The following SRP19 variants were observed in gnomAD, a reference collection of about 807,000 sequenced individuals.
SRP19 encodes signal recognition particle 19.
SRP19 carries 11 observed loss-of-function variants against 22.4 expected under a neutral mutation model. That is an observed-to-expected ratio of 0.49 (90% CI 0.31 to 0.81). The LOEUF is 0.81. Among genes scored for constraint, SRP19 ranks in the 40% least tolerant of loss-of-function variants. The pLI, the probability that SRP19 is intolerant of heterozygous loss-of-function variation, is 0.05. For missense variants in SRP19, 168 were observed against 175.9 expected (o/e 0.96, Z 0.25); for synonymous variants, 61 against 57.6 (o/e 1.06, Z -0.27).
intron 4 of SRP19, among the ~76,000 whole-genome samples, chr5:112,865,472 C>T (rs1240108066): frequency 1.3e-5 from 2 of 152,178 alleles, no homozygotes; most frequent in Non-Finnish European, 2.9e-5. Flanking sequence ...ATTTTCATCT[C>T]TGAAAATTTT....
intron 4 of SRP19, among the ~76,000 whole-genome samples, chr5:112,890,204 G>A (rs1768392990): frequency 6.7e-6 from 1 of 150,244 alleles, no homozygotes; most frequent in Admixed American, 6.6e-5. Flanking sequence ...GTGGGAGGGT[G>A]GCTTGACCTT....
chr5:112,878,010 TGTGTGTGTGTG>T (rs1767950822), intron 4 of SRP19: 1 of 140,314 alleles, frequency 7.1e-6, no homozygotes, highest in Non-Finnish European at 1.6e-5. Flanking sequence ...TGTGTGTGTG[TGTGTGTGTGTG>T]TAAATTTCCC....
rs1160626294 is a variant in SRP19 at position 112,869,349 on chromosome 5, A to C, written c.*1812A>C. On this transcript the variant is annotated 3_prime_UTR_variant, in exon 5 of 5. Coordinates refer to ENST00000505459, the MANE Select transcript of SRP19 (RefSeq NM_003135.3). ...GCAGTTCTCCCACCTTAGCCTCCCAAGTAGCTGAGACCATAGGCATGAGAT... is the reference window on the plus strand; with the variant it reads ...GCAGTTCTCCCACCTTAGCCTCCCACGTAGCTGAGACCATAGGCATGAGAT... 6.6e-6 allele frequency: 1 copy of C among 152,244 alleles called. No individual in the cohort carries two copies. Among genetic ancestry groups the C allele is most frequent in the Non-Finnish European group, 1.5e-5 (1 of 68,068 alleles). The allele number at this position is 152,244 out of a possible 1,614,324, so 9.4% of individuals were successfully genotyped here.
intron 4 of SRP19, chr5:112,878,829 T>A: frequency 6.2e-7 from 1 of 1,614,126 alleles, no homozygotes. Flanking sequence ...CACGGTAGCT[T>A]TCTTCGCTGT....
At chr5:112,870,915 C>T (rs1324498929), downstream of SRP19, among the ~76,000 whole-genome samples, 2 of 152,156 alleles carry the variant, frequency 1.3e-5, no homozygotes, top group African/African-American at 4.8e-5. Flanking sequence ...TGCAGCGGTG[C>T]GATCTCAGCT....
At chr5:112,891,315 C>T (rs1010542718) in intron 4 of SRP19, among the ~76,000 whole-genome samples, 6 of 152,068 alleles carry the variant, frequency 3.9e-5, no homozygotes, top group Non-Finnish European at 5.9e-5. Flanking sequence ...TCAGGTGATC[C>T]GCCCATTTCG....
At chr5:112,886,315 T>C (rs1025486210) in intron 4 of SRP19, among the ~76,000 whole-genome samples, 7 of 152,220 alleles carry the variant, frequency 4.6e-5, no homozygotes, top group African/African-American at 1.4e-4. Flanking sequence ...TTCAGAACTA[T>C]AGGTTTTGAG....
downstream of SRP19, chr5:112,894,538 C>T (rs971690913): frequency 6.6e-5 from 10 of 152,208 alleles, no homozygotes; most frequent in African/African-American, 1.9e-4. Flanking sequence ...TCTTGAGTAA[C>T]ATTTTTGACA....
At chr5:112,872,185 G>T (rs114416597), downstream of SRP19, among the ~76,000 whole-genome samples, 353 of 152,270 alleles carry the variant, frequency 2.3e-3, 2 homozygotes, top group African/African-American at 8.2e-3. Context: ...TCACAGCTCA[G>T]CCGTGTAGTA....
At chr5:112,861,543 G>A (rs904972824) in intron 1 of SRP19, 126 bp downstream of exon 1, 8 of 984,096 alleles carry the variant, frequency 8.1e-6, no homozygotes, top group Non-Finnish European at 1.1e-5. Context: ...CTCTGTACGG[G>A]CCCCGCGCCT....
chr5:112,891,566 G>C, intron 4 of SRP19: 1 of 1,548,096 alleles, frequency 6.5e-7, no homozygotes, highest in Non-Finnish European at 8.7e-7. Flanking sequence ...CACTGACAGT[G>C]GCAGCTATGA....
chr5:112,872,350 CAG>C (rs1390343175), downstream of SRP19, among the ~76,000 whole-genome samples: 3 of 74,328 alleles, frequency 4.0e-5, no homozygotes, highest in Non-Finnish European at 8.2e-5. Flanking sequence ...TTTTTTGAGA[CAG>C]AGTCTTATTC....
At position 112,867,631 on chromosome 5, in the gene SRP19, C is replaced by T; in HGVS notation, c.*94C>T. ...GAGGGAAACAGAAGCTTTTTGTTTG[C>T]ATCATTTAACTGAACTGTGAACCCT... is the stretch of plus-strand genomic sequence containing the variant. On this transcript the variant is annotated 3_prime_UTR_variant, in exon 5 of 5. Coordinates refer to ENST00000505459, the MANE Select transcript of SRP19 (RefSeq NM_003135.3). 2 of 1,403,980 alleles carry T rather than the reference C, an allele frequency of 1.4e-6. No individual in the cohort carries two copies. Among genetic ancestry groups the T allele is most frequent in the South Asian group, 1.8e-5 (1 of 54,584 alleles). The allele number at this position is 1,403,980 out of a possible 1,614,324, so 87.0% of individuals were successfully genotyped here.
intron 4 of SRP19, among the ~76,000 whole-genome samples, chr5:112,891,069 T>C (rs563138994): frequency 1.3e-5 from 2 of 150,354 alleles, no homozygotes; most frequent in East Asian, 4.1e-4. Flanking sequence ...TAAGCAAATA[T>C]TTATTTTTAT....
exon 5 of SRP19, chr5:112,892,004 AAGAG>A (rs563712600): frequency 1.8e-5 from 23 of 1,273,614 alleles, no homozygotes; most frequent in South Asian, 2.4e-5. Flanking sequence ...CAGCAGAGGA[AAGAG>A]AGAGAAGAGG....
At chr5:112,874,847 C>G (rs1244435864) in intron 4 of SRP19, among the ~76,000 whole-genome samples, 1 of 150,718 alleles carries the variant, frequency 6.6e-6, no homozygotes, top group Non-Finnish European at 1.5e-5. Flanking sequence ...GTGATCTCGG[C>G]TCACTGCAAC....
chr5:112,894,471 A>G (rs1286451930), downstream of SRP19: 1 of 152,188 alleles, frequency 6.6e-6, no homozygotes, highest in Non-Finnish European at 1.5e-5. Context: ...AGTTGCTTAT[A>G]TAGGAAAAGC....
At chr5:112,861,546 C>G (rs1767399495) in intron 1 of SRP19, 129 bp downstream of exon 1, 3 of 944,526 alleles carry the variant, frequency 3.2e-6, no homozygotes, top group Non-Finnish European at 4.8e-6. Flanking sequence ...TGTACGGGCC[C>G]CGCGCCTCTC....
exon 5 of SRP19, chr5:112,892,502 C>T (rs1373540307): frequency 3.7e-6 from 6 of 1,614,018 alleles, no homozygotes; most frequent in African/African-American, 2.7e-5. Context: ...TGCCAAGCAG[C>T]CCTTTCTCTG....
Sources: gnomAD v4.1 joint callset for allele counts (sites outside exome capture counted in the v4.1 genomes callset) on GRCh38, gnomAD v4.1.1 for gene constraint, MANE v1.5 for transcripts, NCBI Gene and HGNC (gene_info 2026-07-23, HGNC 2026-07-21) for gene names.